Variants in INSYN2A observed in about 807,000 individuals in gnomAD.
INSYN2A encodes inhibitory synaptic factor 2A.
In INSYN2A, 17 loss-of-function variants were observed where a neutral mutation model predicts 39.4. That is an observed-to-expected ratio of 0.43 (90% CI 0.30 to 0.65). The LOEUF is 0.65. INSYN2A is among the 30% of genes least tolerant of loss of function. INSYN2A has a pLI of 0.14. For synonymous variants in INSYN2A, 255 were observed against 265.7 expected (o/e 0.96, Z 0.39); for missense variants, 595 against 631.2 (o/e 0.94, Z 0.61).
intron 5 of INSYN2A, among the ~76,000 whole-genome samples, chr10:127,144,359 C>G (rs986667227): frequency 6.6e-6 from 1 of 152,184 alleles, no homozygotes; most frequent in Admixed American, 6.5e-5. Flanking sequence ...AGCATTGTCT[C>G]TAGGTTTCCA....
chr10:127,146,067 C>G (rs753106569), intron 5 of INSYN2A: 1 of 516,722 alleles, frequency 1.9e-6, no homozygotes, highest in Non-Finnish European at 3.9e-6. Flanking sequence ...GCCAGGACTG[C>G]GTCCCGTATT....
intron 4 of INSYN2A, among the ~76,000 whole-genome samples, chr10:127,166,718 C>T (rs1029814749): frequency 1.3e-5 from 2 of 152,228 alleles, no homozygotes; most frequent in Non-Finnish European, 2.9e-5. Flanking sequence ...TTTTGCATAG[C>T]TTAGCAGGAA....
intron 4 of INSYN2A, among the ~76,000 whole-genome samples, chr10:127,156,138 C>A (rs1213369625): frequency 6.6e-6 from 1 of 152,178 alleles, no homozygotes; most frequent in Non-Finnish European, 1.5e-5. Flanking sequence ...CCCTAAACCT[C>A]AGGGGAAATG....
intron 4 of INSYN2A, among the ~76,000 whole-genome samples, chr10:127,154,147 A>G (rs540601743): frequency 7.3e-4 from 111 of 152,356 alleles, no homozygotes; most frequent in African/African-American, 2.5e-3. Flanking sequence ...AGAAGTGAAC[A>G]TAAGCTCCTG....
rs2133203970 is a variant in INSYN2A, at chr10:127,136,048, CT to C, written c.*1788del. The C allele has an allele frequency of 6.5e-6, 1 of 152,686 alleles. No homozygotes were observed. The highest frequency in any genetic ancestry group is 2.1e-4 in the South Asian group (1 of 4,822). 9.5% of individuals were successfully genotyped at this position (152,686 alleles called of 1,614,324 possible). A position where few individuals can be genotyped will look rare whatever the true frequency, so the allele number is the denominator to read the frequency against. ...CTTGCACCAAAATATTTCTCAGTTCCTTTTATTGATATTCAGGGATTCGAAC... is the reference window on the plus strand; with the variant it reads ...CTTGCACCAAAATATTTCTCAGTTCCTTTATTGATATTCAGGGATTCGAAC... On this transcript the variant is annotated 3_prime_UTR_variant, in exon 6 of 6. Coordinates refer to ENST00000522781, the MANE Select transcript of INSYN2A (RefSeq NM_001039762.3).
rs1212502619 is a variant in INSYN2A, at chr10:127,176,763, A to G, written c.-6+114T>C. 2 of 181,418 alleles carry G rather than the reference A, an allele frequency of 1.1e-5. No homozygotes were observed. The highest frequency in any genetic ancestry group is 3.1e-4 in the East Asian group (2 of 6,552). 11.2% of individuals were successfully genotyped at this position (181,418 alleles called of 1,614,324 possible). A position where few individuals can be genotyped will look rare whatever the true frequency, so the allele number is the denominator to read the frequency against. On this transcript the variant is annotated intron_variant, in intron 3 of 5. Transcript: ENST00000522781. This position sits in a 1 kb window ranked among gnomAD's most constrained non-coding sequence, Gnocchi z 4.4. Reference sequence around the variant, plus strand: ...TTTCACACGCGTGACTCCCCTTCTTAGGCAGATGGTTTACCAAGTGCTACT... The same window carrying G: ...TTTCACACGCGTGACTCCCCTTCTTGGGCAGATGGTTTACCAAGTGCTACT...
chr10:127,145,788 AC>A (rs1363045394), intron 5 of INSYN2A: 2 of 311,558 alleles, frequency 6.4e-6, no homozygotes, highest in Admixed American at 4.6e-5. Flanking sequence ...CCATCCTGAT[AC>A]CCATTGAGAG....
At chr10:127,164,962 A>G (rs535822049) in intron 4 of INSYN2A, among the ~76,000 whole-genome samples, 3 of 152,322 alleles carry the variant, frequency 2.0e-5, no homozygotes, top group African/African-American at 7.2e-5. Flanking sequence ...TGATTAACTT[A>G]TTTTCCTGGA....
chr10:127,188,053 A>T (rs2056440512), intron 2 of INSYN2A, among the ~76,000 whole-genome samples: 1 of 152,212 alleles, frequency 6.6e-6, no homozygotes, highest in East Asian at 1.9e-4. Context: ...CGAAGGGCTT[A>T]ATGAATGAGT....
At chr10:127,193,066 T>C (rs1317570346) in intron 1 of INSYN2A, among the ~76,000 whole-genome samples, 1 of 152,228 alleles carries the variant, frequency 6.6e-6, no homozygotes, top group Non-Finnish European at 1.5e-5. Flanking sequence ...TGCTTTAAAA[T>C]ATTGAAGTCA....
intron 2 of INSYN2A, among the ~76,000 whole-genome samples, chr10:127,188,181 C>A (rs577192654): frequency 1.3e-5 from 2 of 152,196 alleles, no homozygotes; most frequent in Admixed American, 1.3e-4. Context: ...CACAGAGTGT[C>A]TGTGCCCTGG....
intron 1 of INSYN2A, among the ~76,000 whole-genome samples, chr10:127,194,128 A>AT (rs1414723694): frequency 6.6e-6 from 1 of 152,226 alleles, no homozygotes; most frequent in Admixed American, 6.5e-5. Flanking sequence ...ATTAAACTGA[A>AT]TTGTTTAGTC....
intron 5 of INSYN2A, among the ~76,000 whole-genome samples, chr10:127,150,454 T>C (rs534721680): frequency 6.6e-6 from 1 of 152,316 alleles, no homozygotes; most frequent in Non-Finnish European, 1.5e-5. Flanking sequence ...TAGGATTACA[T>C]AAGCCCTCTT....
At chr10:127,163,549 T>A (rs1378798166) in intron 4 of INSYN2A, among the ~76,000 whole-genome samples, 1 of 152,134 alleles carries the variant, frequency 6.6e-6, no homozygotes, top group Non-Finnish European at 1.5e-5. Context: ...AGTGAATGAA[T>A]GAGGAGTCTG....
chr10:127,167,979 T>C (rs1458086761), intron 4 of INSYN2A, among the ~76,000 whole-genome samples: 1 of 152,184 alleles, frequency 6.6e-6, no homozygotes, highest in Non-Finnish European at 1.5e-5. Context: ...AGTGCAAACA[T>C]AGCCTGAGGA....
At chr10:127,165,058 A>G (rs61074565) in intron 4 of INSYN2A, among the ~76,000 whole-genome samples, 2,301 of 152,344 alleles carry the variant, frequency 0.015, 64 homozygotes, top group African/African-American at 0.052. Flanking sequence ...GAATGAAAAT[A>G]AGAATGTGAG....
intron 2 of INSYN2A, among the ~76,000 whole-genome samples, chr10:127,177,481 G>A (rs2055270906): frequency 6.6e-6 from 1 of 152,254 alleles, no homozygotes; most frequent in African/African-American, 2.4e-5. Context: ...TTGTTTGTGA[G>A]TGAGGCTTCG....
chr10:127,151,586 G>T (rs544525585), intron 5 of INSYN2A, among the ~76,000 whole-genome samples: 2 of 152,208 alleles, frequency 1.3e-5, no homozygotes, highest in South Asian at 4.1e-4. Context: ...GCAGGCTACC[G>T]AGGGCCACAT....
At chr10:127,163,861 C>T (rs1188324473) in intron 4 of INSYN2A, among the ~76,000 whole-genome samples, 2 of 150,684 alleles carry the variant, frequency 1.3e-5, no homozygotes, top group Admixed American at 1.3e-4. Context: ...GAAGAAACAC[C>T]CTTAATGAAC....
Sources: gnomAD v4.1 joint callset for allele counts (sites outside exome capture counted in the v4.1 genomes callset) on GRCh38, gnomAD v4.1.1 for gene constraint, Gnocchi (gnomAD v3.1) non-coding constraint, MANE v1.5 for transcripts, NCBI Gene and HGNC (gene_info 2026-07-23, HGNC 2026-07-21) for gene names.